COMMD2: variants seen among roughly 807,000 people sequenced by gnomAD.
The protein encoded by COMMD2 is COMM domain-containing protein 2.
A neutral mutation model predicts 22.5 loss-of-function variants in COMMD2; 25 were observed. That is an observed-to-expected ratio of 1.11 (90% CI 0.81 to 1.55). The LOEUF (loss-of-function observed/expected upper bound fraction) is 1.55, where lower values mean the gene tolerates loss of function less well. Among genes scored for constraint, COMMD2 ranks in the 40% most tolerant of loss-of-function variants. COMMD2 has a pLI of 0.00. For missense variants in COMMD2, 223 were observed against 232.9 expected (o/e 0.96, Z 0.28); for synonymous variants, 98 against 91.2 (o/e 1.07, Z -0.42).
chr3:149,747,165 G>A (rs937852069), intron 4 of COMMD2, among the ~76,000 whole-genome samples: 10 of 152,220 alleles, frequency 6.6e-5, no homozygotes, highest in African/African-American at 2.2e-4. Context: ...TTACCAAAGT[G>A]GAGATGTCAA....
rs1228491399 is a variant in COMMD2, at chr3:149,741,468, G to T, written c.*53C>A. 7 of 1,362,424 alleles carry T rather than the reference G, an allele frequency of 5.1e-6. No homozygotes were observed. Among genetic ancestry groups the T allele is most frequent in the Non-Finnish European group, 6.3e-6 (6 of 952,276 alleles). The allele number at this position is 1,362,424 out of a possible 1,614,324, so 84.4% of individuals were successfully genotyped here. On this transcript the variant is annotated 3_prime_UTR_variant, in exon 5 of 5. Transcript: ENST00000473414. The stretch of plus-strand genomic sequence containing the variant: ...AAATTAATTTTGAAAAGTAATTGCT[G>T]TATATCATCAATTCATAAGTGATTC...
At position 149,750,710 on chromosome 3, in the gene COMMD2, A is replaced by G; in HGVS notation, c.370T>C (p.Tyr124His). The change falls in exon 4 of 5, where the codon TAT becomes CAT. Residue 124 changes from tyrosine (Y) to histidine (H), a missense_variant. By Grantham distance (83) the Tyr-to-His change is moderately conservative. Transcript: ENST00000473414. ...TCTAGTCGCCATTCAAGGTTATGAT[A>G]ACTGGGAAGGCTTGGTGCCAATTCA... ...LSELAPSLPSYHNLEWRLDVQ... is the reference protein window; with the variant it reads ...LSELAPSLPSHHNLEWRLDVQ... 6.3e-7 allele frequency: 1 copy of G among 1,592,094 alleles called. No individual in the cohort carries two copies.
In COMMD2 at chr3:149,741,689, A is replaced by C. The variant is rs945967300; in HGVS notation, c.432T>G (p.Ile144Met). 6.2e-7 allele frequency: 1 copy of C among 1,613,910 alleles called. No individual in the cohort carries two copies. The highest frequency in any genetic ancestry group is 8.5e-7 in the Non-Finnish European group (1 of 1,179,928). The change falls in exon 5 of 5, where the codon ATT (isoleucine) becomes ATG (methionine). Residue 144 changes from isoleucine (I) to methionine (M), a missense_variant. Coordinates refer to ENST00000473414, the MANE Select transcript of COMMD2 (RefSeq NM_016094.4). ...GTAGCTTTATAGTCACTGCTGGTTT[A>C]ATCTGTTGCCTGAGACTTCTACTTG... ...QLASRSLRQQIKPAVTIKLHL... is the reference protein window; with the variant it reads ...QLASRSLRQQMKPAVTIKLHL...
At chr3:149,743,411 G>A (rs948556423) in intron 4 of COMMD2, among the ~76,000 whole-genome samples, 2 of 152,096 alleles carry the variant, frequency 1.3e-5, no homozygotes, top group Admixed American at 1.3e-4. Flanking sequence ...AAAAATAGTG[G>A]AGTCATGTCA....
chr3:149,752,478 G>C lies in COMMD2; in HGVS notation c.-34C>G. ...TCCTACGATTTCACCCGGCAGCGCC[G>C]ACCCCGCCTTCGCCACTTCCGGCGC... On this transcript the variant is annotated 5_prime_UTR_variant, in exon 1 of 5. Coordinates refer to ENST00000473414, the MANE Select transcript of COMMD2 (RefSeq NM_016094.4). 1.3e-6 allele frequency: 2 copies of C among 1,589,116 alleles called. No homozygotes were observed. Among genetic ancestry groups the C allele is most frequent in the Non-Finnish European group, 1.7e-6 (2 of 1,164,720 alleles).
At chr3:149,750,530 T>C (rs1716500175) in intron 4 of COMMD2, 148 bp downstream of exon 4, 1 of 555,536 alleles carries the variant, frequency 1.8e-6, no homozygotes, top group African/African-American at 1.9e-5. Flanking sequence ...AGAAAATGAA[T>C]GATTTGTGAA....
At chr3:149,750,457 C>G in intron 4 of COMMD2, 1 of 534,196 alleles carries the variant, frequency 1.9e-6, no homozygotes, top group South Asian at 1.9e-5. Context: ...ATCTCCTTTT[C>G]GAAAATAACC....
At chr3:149,742,671 T>C (rs1206023321) in intron 4 of COMMD2, among the ~76,000 whole-genome samples, 2 of 151,956 alleles carry the variant, frequency 1.3e-5, no homozygotes, top group Non-Finnish European at 2.9e-5. Context: ...AAAAAAACTA[T>C]AAAGAAAAGA....
intron 4 of COMMD2, among the ~76,000 whole-genome samples, chr3:149,747,079 A>G (rs1289805223): frequency 6.6e-6 from 1 of 152,244 alleles, no homozygotes; most frequent in Non-Finnish European, 1.5e-5. Context: ...GGGTGGGGAC[A>G]TAGAACCAAA....
chr3:149,751,245 TATG>T (rs1716520639), intron 3 of COMMD2, 155 bp downstream of exon 3: 2 of 1,123,648 alleles, frequency 1.8e-6, no homozygotes, highest in Non-Finnish European at 2.5e-6. Flanking sequence ...CAGCAGATGA[TATG>T]ATTTTTATTT....
chr3:149,745,831 T>C (rs1369879732), intron 4 of COMMD2, among the ~76,000 whole-genome samples: 1 of 152,224 alleles, frequency 6.6e-6, no homozygotes, highest in Non-Finnish European at 1.5e-5. Context: ...ATCCTAAGCC[T>C]TTTGTCTTAA....
intron 4 of COMMD2, among the ~76,000 whole-genome samples, chr3:149,742,685 G>A (rs764234637): frequency 6.6e-6 from 1 of 151,998 alleles, no homozygotes; most frequent in Non-Finnish European, 1.5e-5. Flanking sequence ...GAAAAGATTA[G>A]GGGCTAGGCA....
Position 149,739,817 on chromosome 3 carries a change from A to G in COMMD2, c.*1704T>C, listed in dbSNP as rs1249384573. 6.6e-6 allele frequency: 1 copy of G among 152,216 alleles called. No individual in the cohort carries two copies. Among genetic ancestry groups the G allele is most frequent in the African/African-American group, 2.4e-5 (1 of 41,462 alleles). 9.4% of individuals were successfully genotyped at this position (152,216 alleles called of 1,614,324 possible). ...ATAATTAAAAATTATTTCTGATTAT[A>G]GTTTGCTGACATCTAATAATATAGT... On this transcript the variant is annotated 3_prime_UTR_variant, in exon 5 of 5. Coordinates refer to ENST00000473414, the MANE Select transcript of COMMD2 (RefSeq NM_016094.4).
intron 2 of COMMD2, 39 bp downstream of exon 2, chr3:149,752,171 C>A: frequency 6.3e-7 from 1 of 1,575,314 alleles, no homozygotes; most frequent in Non-Finnish European, 8.7e-7. Flanking sequence ...CTCGCAACCG[C>A]CCTAGAAGCC....
Position 149,752,423 on chromosome 3 carries a change from C to T in COMMD2, c.22G>A (p.Glu8Lys), listed in dbSNP as rs1284311573. ...AGGAAGGCCAGGTGTTCCTTATGCT[C>T]CTCGGACAATTCCAGCAGCATCTTC... MLLELSE[E>K]HKEHLAFLPQ... Residue 8 changes from glutamate to lysine, a missense_variant, in exon 1 of 5, where the codon GAG becomes AAG. By Grantham distance (56) the Glu-to-Lys change is moderately conservative (BLOSUM62 1). Transcript: ENST00000473414. The T allele has an allele frequency of 1.2e-6, 2 of 1,613,854 alleles. No homozygotes were observed. The highest frequency in any genetic ancestry group is 1.3e-5 in the African/African-American group (1 of 74,932).
At chr3:149,744,704 T>C (rs1193567997) in intron 4 of COMMD2, among the ~76,000 whole-genome samples, 4 of 152,362 alleles carry the variant, frequency 2.6e-5, no homozygotes, top group East Asian at 3.9e-4. Context: ...TTATCTGATA[T>C]GCATTTCTCT....
intron 2 of COMMD2, 105 bp downstream of exon 2, chr3:149,752,105 G>C (rs1576661263): frequency 3.2e-6 from 3 of 945,504 alleles, no homozygotes; most frequent in Non-Finnish European, 1.6e-6. Flanking sequence ...ACTACAATCG[G>C]AACAAGACCC....
chr3:149,741,439 TAAA>T lies in COMMD2; in HGVS notation c.*79_*81del. The stretch of plus-strand genomic sequence containing the variant: ...CTATGTATTTATCATCATGAATTAA[TAAA>T]AAATTAATTTTGAAAAGTAATTGCT... On this transcript the variant is annotated 3_prime_UTR_variant, in exon 5 of 5. Transcript: ENST00000473414. The T allele has an allele frequency of 9.1e-7, 1 of 1,093,860 alleles. No homozygotes were observed. The highest frequency in any genetic ancestry group is 1.3e-5 in the South Asian group (1 of 76,754). 67.8% of individuals were successfully genotyped at this position (1,093,860 alleles called of 1,614,324 possible). A position where few individuals can be genotyped will look rare whatever the true frequency, so the allele number is the denominator to read the frequency against.
chr3:149,744,144 A>G (rs1716304624), intron 4 of COMMD2, among the ~76,000 whole-genome samples: 1 of 152,102 alleles, frequency 6.6e-6, no homozygotes, highest in Admixed American at 6.6e-5. Flanking sequence ...CCCTGTAAAT[A>G]TAACAACAAT....
Sources: gnomAD v4.1 joint callset for allele counts (sites outside exome capture counted in the v4.1 genomes callset) on GRCh38, gnomAD v4.1.1 for gene constraint, MANE v1.5 for transcripts, NCBI Gene and HGNC (gene_info 2026-07-23, HGNC 2026-07-21) for gene names.